TMEM272: variants seen among roughly 807,000 people sequenced by gnomAD.
TMEM272 encodes the protein long intergenic non-protein coding RNA 282.
Under a neutral mutation model 3.7 loss-of-function variants are expected in TMEM272, and 8 were observed. The observed-to-expected ratio is 2.17, with a 90% CI of 1.27 to 3.91. The LOEUF (loss-of-function observed/expected upper bound fraction) is 3.91, where lower values mean the gene tolerates loss of function less well. Among genes scored for constraint, TMEM272 ranks in the 30% most tolerant of loss-of-function variants. The probability of loss-of-function intolerance (pLI) is 0.00; values close to 1 mark genes in which losing one functional copy is unlikely to be tolerated. For synonymous variants in TMEM272, 63 were observed against 39.8 expected (o/e 1.58, Z -2.20); for missense variants, 166 against 91.5 (o/e 1.81, Z -3.32).
At chr13:51,893,262 G>C in the TMEM272 span, among the ~76,000 whole-genome samples, 2 of 152,210 alleles carry the variant, frequency 1.3e-5, no homozygotes, top group South Asian at 2.1e-4. Flanking sequence ...GATTAGGAGA[G>C]AGCTTAAATT....
At chr13:51,895,601 C>G in the TMEM272 span, among the ~76,000 whole-genome samples, 1 of 152,100 alleles carries the variant, frequency 6.6e-6, no homozygotes, top group Non-Finnish European at 1.5e-5. Context: ...GAAGCTAGGG[C>G]TACCAAGATA....
chr13:51,831,598 C>G (rs1308887454), intron 2 of TMEM272, among the ~76,000 whole-genome samples: 1 of 152,186 alleles, frequency 6.6e-6, no homozygotes, highest in Admixed American at 6.5e-5. Context: ...CAGCACGAGG[C>G]CTTCTTTACC....
At chr13:51,921,509 C>T in the TMEM272 span, 1 of 152,258 alleles carries the variant, frequency 6.6e-6, no homozygotes, top group Admixed American at 6.5e-5. Context: ...GCAAGTCTAC[C>T]TCCAGGCAAG....
chr13:51,858,843 T>C, the TMEM272 span, among the ~76,000 whole-genome samples: 6 of 152,150 alleles, frequency 3.9e-5, no homozygotes, highest in Admixed American at 2.0e-4. Context: ...GCCAAGCTCC[T>C]TCCCCCCTGC....
chr13:51,865,682 A>G, the TMEM272 span: 3 of 1,614,210 alleles, frequency 1.9e-6, no homozygotes, highest in Non-Finnish European at 2.5e-6. Flanking sequence ...AACCTTCTGG[A>G]AAGAGGAAAA....
the TMEM272 span, chr13:51,865,889 C>T: frequency 6.2e-7 from 1 of 1,613,546 alleles, no homozygotes; most frequent in Non-Finnish European, 8.5e-7. Context: ...AAGAGCCCTC[C>T]TTGAGGGGGA....
At chr13:51,893,029 G>C in the TMEM272 span, among the ~76,000 whole-genome samples, 2 of 152,098 alleles carry the variant, frequency 1.3e-5, no homozygotes, top group Non-Finnish European at 2.9e-5. Flanking sequence ...CCCATTTTCT[G>C]ACAAACATCA....
chr13:51,914,569 A>G, the TMEM272 span, among the ~76,000 whole-genome samples: 5 of 152,240 alleles, frequency 3.3e-5, no homozygotes, highest in South Asian at 2.1e-4. Flanking sequence ...GCCACCATGT[A>G]AGGCGGGCGA....
At chr13:51,826,542 C>A in intron 3 of TMEM272, 24 bp downstream of exon 3, 1 of 702,566 alleles carries the variant, frequency 1.4e-6, no homozygotes, top group Non-Finnish European at 2.6e-6. Flanking sequence ...CCTGTGGCGT[C>A]CAGCAGCTCG....
At chr13:51,818,530 AAAAATAGACCCTGGTGCTGGGC>A (rs1956053605) in intron 4 of TMEM272, among the ~76,000 whole-genome samples, 2 of 152,324 alleles carry the variant, frequency 1.3e-5, no homozygotes, top group African/African-American at 4.8e-5. Flanking sequence ...GATGTTGTAC[AAAAATAGACCCTGGTGCTGGGC>A]AAAGCGCTTG....
chr13:51,843,779 T>G (rs1956281128), intron 1 of TMEM272, among the ~76,000 whole-genome samples: 1 of 152,212 alleles, frequency 6.6e-6, no homozygotes, highest in South Asian at 2.1e-4. Flanking sequence ...AGAAGGGCAG[T>G]GATAATAGCC....
At chr13:51,898,156 T>C in the TMEM272 span, among the ~76,000 whole-genome samples, 764 of 151,914 alleles carry the variant, frequency 5.0e-3, 6 homozygotes, top group South Asian at 0.02. Flanking sequence ...AGGCAGAGGC[T>C]GCAGTAAGCA....
rs376656122 is a variant in TMEM272 at position 51,816,691 on chromosome 13, G to A, written c.*60C>T. ...TGTGTGTGTGTGCGTCTGTGTGTCT[G>A]TGTGCACGCGCGTGCATGCACACGC... On this transcript the variant is annotated 3_prime_UTR_variant, in exon 5 of 5. Coordinates refer to ENST00000629372, the MANE Select transcript of TMEM272 (RefSeq NM_001351003.2). The A allele has an allele frequency of 7.8e-6, 5 of 643,444 alleles. No individual in the cohort carries two copies. In the East Asian group the frequency reaches 1.4e-4, roughly 18 times the overall value. 39.9% of individuals were successfully genotyped at this position (643,444 alleles called of 1,614,324 possible). A position where few individuals can be genotyped will look rare whatever the true frequency, so the allele number is the denominator to read the frequency against.
At chr13:51,924,103 A>T in the TMEM272 span, among the ~76,000 whole-genome samples, 1 of 152,108 alleles carries the variant, frequency 6.6e-6, no homozygotes, top group East Asian at 1.9e-4. Context: ...CCTTTCAGCT[A>T]CCCTCCCACC....
upstream of TMEM272, chr13:51,845,283 G>C (rs757689153): frequency 5.9e-5 from 9 of 152,276 alleles, no homozygotes; most frequent in East Asian, 3.8e-4. Context: ...AGGCCCGCAG[G>C]GGGGCAGCAG....
chr13:51,914,897 C>T, the TMEM272 span, among the ~76,000 whole-genome samples: 2 of 152,210 alleles, frequency 1.3e-5, no homozygotes, highest in South Asian at 2.1e-4. Flanking sequence ...GCTGTGATTT[C>T]GGCTGTTACT....
At position 51,816,676 on chromosome 13, in the gene TMEM272, T is replaced by C. The variant is rs138531659; in HGVS notation, c.*75A>G. The C allele has an allele frequency of 1.1e-3, 688 of 634,766 alleles. 2 individuals carry two copies. Among genetic ancestry groups the C allele is most frequent in the East Asian group, 3.8e-3 (138 of 36,530 alleles). The allele number at this position is 634,766 out of a possible 1,614,324, so 39.3% of individuals were successfully genotyped here. A position where few individuals can be genotyped will look rare whatever the true frequency, so the allele number is the denominator to read the frequency against. Reference sequence around the variant, plus strand: ...ACCTGTGTGTGTGTGTGTGTGTGTGTGCGTCTGTGTGTCTGTGTGCACGCG... The same window carrying C: ...ACCTGTGTGTGTGTGTGTGTGTGTGCGCGTCTGTGTGTCTGTGTGCACGCG... On this transcript the variant is annotated 3_prime_UTR_variant, in exon 5 of 5. Coordinates refer to ENST00000629372, the MANE Select transcript of TMEM272 (RefSeq NM_001351003.2).
chr13:51,896,347 C>T, the TMEM272 span, among the ~76,000 whole-genome samples: 15 of 152,202 alleles, frequency 9.9e-5, no homozygotes, highest in Admixed American at 9.8e-4. Flanking sequence ...GACAGAGAAA[C>T]ACGTGTGTGT....
the TMEM272 span, among the ~76,000 whole-genome samples, chr13:51,870,949 A>G: frequency 2.9e-4 from 44 of 152,326 alleles, no homozygotes; most frequent in Admixed American, 5.9e-4. Context: ...CAGATATCAG[A>G]TATTGCAGAA....
Sources: gnomAD v4.1 joint callset for allele counts (sites outside exome capture counted in the v4.1 genomes callset) on GRCh38, gnomAD v4.1.1 for gene constraint, MANE v1.5 for transcripts, NCBI Gene and HGNC (gene_info 2026-07-23, HGNC 2026-07-21) for gene names.